YPEL2: variants seen among roughly 807,000 people sequenced by gnomAD.
YPEL2 encodes the protein protein yippee-like 2.
In YPEL2, 2 loss-of-function variants were observed where a neutral mutation model predicts 19.1. That is an observed-to-expected ratio of 0.10 (90% CI 0.04 to 0.33). YPEL2 has a LOEUF of 0.33. Among genes scored for constraint, YPEL2 ranks in the 10% least tolerant of loss-of-function variants. The pLI, the probability that YPEL2 is intolerant of heterozygous loss-of-function variation, is 1.00. For missense variants in YPEL2, 66 were observed against 140.7 expected (o/e 0.47, Z 2.68); for synonymous variants, 52 against 50.0 (o/e 1.04, Z -0.17).
intron 2 of YPEL2, among the ~76,000 whole-genome samples, chr17:59,371,704 G>A (rs2047898428): frequency 6.6e-6 from 1 of 152,206 alleles, no homozygotes; most frequent in Non-Finnish European, 1.5e-5. Flanking sequence ...CTCATGCCTG[G>A]ATGCACCAGC....
chr17:59,368,302 T>C (rs2047880674), intron 2 of YPEL2, among the ~76,000 whole-genome samples: 1 of 152,174 alleles, frequency 6.6e-6, no homozygotes, highest in African/African-American at 2.4e-5. Flanking sequence ...CAGGGTGGTC[T>C]AAAATTCCTG....
intron 2 of YPEL2, among the ~76,000 whole-genome samples, chr17:59,357,996 GAT>G (rs2047821531): frequency 1.3e-5 from 2 of 152,150 alleles, no homozygotes; most frequent in South Asian, 4.1e-4. Flanking sequence ...TGTTATGTCA[GAT>G]CTATAGGTCA....
intron 4 of YPEL2, among the ~76,000 whole-genome samples, chr17:59,395,154 T>A (rs2048032299): frequency 6.6e-6 from 1 of 152,212 alleles, no homozygotes; most frequent in Admixed American, 6.5e-5. Flanking sequence ...CCAAACACAT[T>A]ACCGTGGAAC....
chr17:59,352,485 C>T (rs1347104259), intron 1 of YPEL2, among the ~76,000 whole-genome samples: 1 of 152,152 alleles, frequency 6.6e-6, no homozygotes, highest in African/African-American at 2.4e-5. Flanking sequence ...GGGAGAAATT[C>T]TGGTAAAATT....
intron 2 of YPEL2, among the ~76,000 whole-genome samples, chr17:59,382,723 C>T (rs116348372): frequency 0.011 from 1,612 of 152,270 alleles, 26 homozygotes; most frequent in African/African-American, 0.037. Flanking sequence ...TGGTTCATCA[C>T]TTTCTGATGC....
At chr17:59,341,468 T>C (rs2047730272) in intron 1 of YPEL2, among the ~76,000 whole-genome samples, 1 of 151,210 alleles carries the variant, frequency 6.6e-6, no homozygotes, top group Admixed American at 6.6e-5. Flanking sequence ...CAGACCAGTC[T>C]GGACAACATG....
intron 2 of YPEL2, among the ~76,000 whole-genome samples, chr17:59,386,161 A>C (rs907858834): frequency 1.1e-5 from 1 of 91,986 alleles, no homozygotes; most frequent in East Asian, 4.4e-4. Context: ...TGTCTCTATA[A>C]ATTTTTTTTT....
rs143325396 is a variant in YPEL2 at position 59,376,439 on chromosome 17, A to G, written c.118-11888A>G. Among the ~76,000 whole-genome samples the G allele has an allele frequency of 2.7e-3, 411 of 152,232 alleles. 2 individuals carry two copies. The highest frequency in any genetic ancestry group is 9.6e-3 in the African/African-American group (399 of 41,530). On this transcript the variant is annotated intron_variant, in intron 2 of 4. Coordinates refer to ENST00000312655, the MANE Select transcript of YPEL2 (RefSeq NM_001005404.4). The stretch of plus-strand genomic sequence containing the variant: ...TCACCATTTTGGCAGACTGGTCTGG[A>G]ACTCCTGACCTCAGGTGATCCACCT...
intron 4 of YPEL2, among the ~76,000 whole-genome samples, chr17:59,396,821 C>T (rs1025061129): frequency 6.6e-5 from 10 of 152,072 alleles, no homozygotes; most frequent in African/African-American, 1.9e-4. Context: ...ACCTGAGCTC[C>T]GGAGTTAGAG....
At chr17:59,346,880 C>T (rs1485620743) in intron 1 of YPEL2, among the ~76,000 whole-genome samples, 3 of 152,090 alleles carry the variant, frequency 2.0e-5, no homozygotes, top group Non-Finnish European at 4.4e-5. Flanking sequence ...GGAATGGCAT[C>T]AGCAAAACCA....
chr17:59,340,239 G>C (rs2047721455), intron 1 of YPEL2, among the ~76,000 whole-genome samples: 1 of 151,692 alleles, frequency 6.6e-6, no homozygotes, highest in Admixed American at 6.6e-5. Flanking sequence ...CTCCAGAGTA[G>C]CTGGGATTAC....
chr17:59,384,658 A>G (rs2147955245), intron 2 of YPEL2, among the ~76,000 whole-genome samples: 1 of 152,330 alleles, frequency 6.6e-6, no homozygotes, highest in Admixed American at 6.5e-5. Flanking sequence ...TATTTTTTAA[A>G]GATAAAATGT....
chr17:59,399,158 C>G lies in YPEL2; in HGVS notation c.*1968C>G, dbSNP rs931199251. The G allele has an allele frequency of 6.6e-6, 1 of 152,540 alleles. No individual in the cohort carries two copies. The highest frequency in any genetic ancestry group is 1.5e-5 in the Non-Finnish European group (1 of 68,042). The allele number at this position is 152,540 out of a possible 1,614,324, so 9.4% of individuals were successfully genotyped here. A position where few individuals can be genotyped will look rare whatever the true frequency, so the allele number is the denominator to read the frequency against. On this transcript the variant is annotated 3_prime_UTR_variant, in exon 5 of 5. Coordinates refer to ENST00000312655, the MANE Select transcript of YPEL2 (RefSeq NM_001005404.4). Reference sequence around the variant, plus strand: ...AGAATAGTTTCTCTGGCTCACAGGCCCAAGTTCTCAATGAAATCGTTTTTT... The same window carrying G: ...AGAATAGTTTCTCTGGCTCACAGGCGCAAGTTCTCAATGAAATCGTTTTTT...
chr17:59,369,009 G>A (rs908546161), intron 2 of YPEL2, among the ~76,000 whole-genome samples: 31 of 152,128 alleles, frequency 2.0e-4, no homozygotes, highest in African/African-American at 7.2e-4. Flanking sequence ...CTGGCAAACA[G>A]CAGGCAGTCA....
In YPEL2 at chr17:59,342,259, TCA is replaced by T. The variant is rs572551492; in HGVS notation, c.-196+10440_-196+10441del. On this transcript the variant is annotated intron_variant, in intron 1 of 4. Transcript: ENST00000312655. ...CCAGCAGTTTAAAGAGAAATCAAGG[TCA>T]CACAGTGCCCAAAGTCTACAACACA... 4.4e-3 allele frequency among the ~76,000 whole-genome samples: 663 copies of T among 152,274 alleles called. 3 individuals are homozygous for T. Among genetic ancestry groups the T allele is most frequent in the African/African-American group, 0.014 (592 of 41,548 alleles).
intron 2 of YPEL2, among the ~76,000 whole-genome samples, chr17:59,387,264 A>C (rs967460354): frequency 2.0e-5 from 3 of 151,498 alleles, no homozygotes; most frequent in South Asian, 2.1e-4. Flanking sequence ...ATCTAAAAAA[A>C]AAAAAAAAAA....
In YPEL2 at chr17:59,374,800, G is replaced by A. The variant is rs578220168; in HGVS notation, c.118-13527G>A. 1.1e-4 allele frequency among the ~76,000 whole-genome samples: 17 copies of A among 152,304 alleles called. No individual in the cohort carries two copies. The South Asian group carries it at 3.3e-3, about 30-fold the overall frequency. The stretch of plus-strand genomic sequence containing the variant: ...ATGAGGAACTTTTGACCCGAAAGCC[G>A]AACAAACCAAGAGTACGTGGCAGAG... On this transcript the variant is annotated intron_variant, in intron 2 of 4. Transcript: ENST00000312655.
Position 59,353,143 on chromosome 17 carries a change from TTGG to T in YPEL2, c.-195-71_-195-69del. 3.3e-6 allele frequency: 1 copy of T among 303,548 alleles called. No individual in the cohort carries two copies. Among genetic ancestry groups the T allele is most frequent in the South Asian group, 8.2e-5 (1 of 12,264 alleles). The allele number at this position is 303,548 out of a possible 1,614,324, so 18.8% of individuals were successfully genotyped here. A position where few individuals can be genotyped will look rare whatever the true frequency, so the allele number is the denominator to read the frequency against. ...GTGTTGCCTTCTTCATGGGTGGCAG[TTGG>T]ATTCTGCTTGCTTTGTAGGGAGCCC... On this transcript the variant is annotated intron_variant, in intron 1 of 4. Coordinates refer to ENST00000312655, the MANE Select transcript of YPEL2 (RefSeq NM_001005404.4). The surrounding 1 kb of genome is among the most constrained non-coding windows in gnomAD (Gnocchi z 4.8).
chr17:59,388,605 T>C lies in YPEL2; in HGVS notation c.161+235T>C, dbSNP rs143628314. Reference sequence around the variant, plus strand: ...CCCCTCAGAGGGCACACCAGAGGACTGTAGTCCCACAGGGAAGAAGCTGAG... The same window carrying C: ...CCCCTCAGAGGGCACACCAGAGGACCGTAGTCCCACAGGGAAGAAGCTGAG... On this transcript the variant is annotated intron_variant, in intron 3 of 4. Transcript: ENST00000312655. 8.3e-3 allele frequency among the ~76,000 whole-genome samples: 1,257 copies of C among 152,338 alleles called. 29 individuals carry two copies. The highest frequency in any genetic ancestry group is 0.029 in the African/African-American group (1,188 of 41,568).
Sources: allele counts gnomAD v4.1 joint callset (sites outside exome capture counted in the v4.1 genomes callset), GRCh38; gene constraint gnomAD v4.1.1; non-coding constraint Gnocchi (gnomAD v3.1); transcripts MANE v1.5; gene names NCBI Gene and HGNC (gene_info 2026-07-23, HGNC 2026-07-21).